The following KIFAP3 variants were observed in gnomAD, a reference collection of about 807,000 sequenced individuals.
KIFAP3 encodes the protein kinesin associated protein 3, also known as kinesin-associated protein 3.
Under a neutral mutation model 106.5 loss-of-function variants are expected in KIFAP3, and 68 were observed. The ratio of observed to expected loss-of-function variants is 0.64; its 90% CI spans 0.53 to 0.78. The LOEUF (loss-of-function observed/expected upper bound fraction) is 0.78, where lower values mean the gene tolerates loss of function less well. Ranked by LOEUF, KIFAP3 falls within the 30% of genes least tolerant of loss-of-function variation. KIFAP3 has a pLI of 0.00. For synonymous variants in KIFAP3, 320 were observed against 311.5 expected (o/e 1.03, Z -0.29); for missense variants, 780 against 941.8 (o/e 0.83, Z 2.25).
At chr1:170,002,267 G>C (rs916800234) in intron 10 of KIFAP3, among the ~76,000 whole-genome samples, 1 of 152,092 alleles carries the variant, frequency 6.6e-6, no homozygotes, top group African/African-American at 2.4e-5. Flanking sequence ...AGACAAAAAT[G>C]AATCAGGTGC....
intron 10 of KIFAP3, among the ~76,000 whole-genome samples, chr1:170,000,253 T>C (rs146828002): frequency 8.1e-4 from 123 of 152,260 alleles, no homozygotes; most frequent in Middle Eastern, 3.4e-3. Context: ...GCCACATTAT[T>C]AGCCAGATTC....
At chr1:170,078,192 C>A (rs531637905), upstream of KIFAP3, among the ~76,000 whole-genome samples, 2 of 152,108 alleles carry the variant, frequency 1.3e-5, 1 homozygote, top group South Asian at 4.2e-4. Flanking sequence ...TAGTCACATC[C>A]TTTCCAGCAC....
At chr1:169,930,131 A>C (rs572776963) in intron 19 of KIFAP3, among the ~76,000 whole-genome samples, 1 of 152,316 alleles carries the variant, frequency 6.6e-6, no homozygotes, top group South Asian at 2.1e-4. Context: ...TGGAGATGTT[A>C]TACTTGGTAC....
At chr1:170,022,228 C>A (rs114541056) in intron 9 of KIFAP3, among the ~76,000 whole-genome samples, 3,333 of 152,004 alleles carry the variant, frequency 0.022, 105 homozygotes, top group African/African-American at 0.064. Flanking sequence ...GGATTACAGG[C>A]ATTAGTCATC....
chr1:169,997,017 G>A (rs1459146806), intron 10 of KIFAP3, among the ~76,000 whole-genome samples: 2 of 152,118 alleles, frequency 1.3e-5, no homozygotes, highest in Non-Finnish European at 1.5e-5. Flanking sequence ...TAACTGCATC[G>A]ATCTGTGATT....
At chr1:170,076,038 T>C (rs1223237883), upstream of KIFAP3, among the ~76,000 whole-genome samples, 2 of 152,220 alleles carry the variant, frequency 1.3e-5, no homozygotes, top group Non-Finnish European at 2.9e-5. Flanking sequence ...TACGTAAAAT[T>C]GGAAGACCAA....
chr1:169,942,120 C>G (rs998940865), intron 19 of KIFAP3, among the ~76,000 whole-genome samples: 3 of 152,202 alleles, frequency 2.0e-5, no homozygotes, highest in Middle Eastern at 3.4e-3. Flanking sequence ...CCTTAAATTT[C>G]CTTAAGTACT....
At chr1:170,079,523 A>C (rs980275263), upstream of KIFAP3, among the ~76,000 whole-genome samples, 1 of 152,100 alleles carries the variant, frequency 6.6e-6, no homozygotes, top group Admixed American at 6.6e-5. Context: ...TGATTTTAAA[A>C]AACTATTAGC....
At chr1:170,012,795 GAAGGC>G in intron 10 of KIFAP3, among the ~76,000 whole-genome samples, 1 of 152,098 alleles carries the variant, frequency 6.6e-6, no homozygotes, top group Non-Finnish European at 1.5e-5. Flanking sequence ...AATCATGACC[GAAGGC>G]AAATGAGGAG....
chr1:170,041,619 G>C lies in KIFAP3; in HGVS notation c.320-2331C>G, dbSNP rs114685704. ...GGAGATGAGTCCAAGTGGCTGCCTG[G>C]CTTCTTTAAGCCAGGGGCTGTCTCT... is the stretch of plus-strand genomic sequence containing the variant. On this transcript the variant is annotated intron_variant, in intron 3 of 19. Coordinates refer to ENST00000361580, the MANE Select transcript of KIFAP3 (RefSeq NM_014970.4). 160 of 1,403,232 alleles carry C rather than the reference G, an allele frequency of 1.1e-4. 1 individual carries two copies. In the East Asian group the frequency reaches 3.9e-3, roughly 35 times the overall value. 86.9% of individuals were successfully genotyped at this position (1,403,232 alleles called of 1,614,324 possible). A position where few individuals can be genotyped will look rare whatever the true frequency, so the allele number is the denominator to read the frequency against.
intron 7 of KIFAP3, 33 bp from the exon 8 acceptor site, chr1:170,032,017 T>A: frequency 1.2e-6 from 1 of 858,536 alleles, no homozygotes; most frequent in Non-Finnish European, 1.7e-6. Flanking sequence ...TCCATACTCA[T>A]TGAAGCAAAA....
At chr1:169,964,070 G>A (rs1369608577) in intron 17 of KIFAP3, among the ~76,000 whole-genome samples, 1 of 151,988 alleles carries the variant, frequency 6.6e-6, no homozygotes, top group African/African-American at 2.4e-5. Flanking sequence ...AAATCCAAAT[G>A]TCATACCTCC....
chr1:169,924,392 A>G (rs1449404860), intron 19 of KIFAP3, among the ~76,000 whole-genome samples: 1 of 152,202 alleles, frequency 6.6e-6, no homozygotes, highest in African/African-American at 2.4e-5. Flanking sequence ...TCGTTTTGGA[A>G]AAAAGGAATA....
chr1:169,984,578 T>C lies in KIFAP3; in HGVS notation c.1393+4A>G. ...AAAAGTTACCTACACTCAAAGGCAC[T>C]GACCTTCACAGATAAGCTGTACATT... On this transcript the variant is annotated splice_donor_region_variant and intron_variant, in intron 12 of 19. Transcript: ENST00000361580. 4.6e-6 allele frequency: 7 copies of C among 1,527,420 alleles called. No homozygotes were observed. Among genetic ancestry groups the C allele is most frequent in the Non-Finnish European group, 6.3e-6 (7 of 1,106,644 alleles). The allele number at this position is 1,527,420 out of a possible 1,614,324, so 94.6% of individuals were successfully genotyped here.
chr1:170,080,333 C>G (rs1255204884), intron 1 of KIFAP3, among the ~76,000 whole-genome samples: 1 of 151,960 alleles, frequency 6.6e-6, no homozygotes, highest in Non-Finnish European at 1.5e-5. Flanking sequence ...ATTAGAACAT[C>G]AATTTTACTC....
chr1:169,946,576 T>A (rs922598670), intron 19 of KIFAP3, among the ~76,000 whole-genome samples: 4 of 152,102 alleles, frequency 2.6e-5, no homozygotes, highest in Non-Finnish European at 4.4e-5. Context: ...ATTAGCTACC[T>A]GGTTTTAGGC....
chr1:170,084,715 A>G (rs1251869832), intron 1 of KIFAP3, among the ~76,000 whole-genome samples: 1 of 152,156 alleles, frequency 6.6e-6, no homozygotes, highest in East Asian at 1.9e-4. Flanking sequence ...ATGTAGTTTG[A>G]GACAGAATTA....
At chr1:169,931,583 C>T (rs114808934) in intron 19 of KIFAP3, among the ~76,000 whole-genome samples, 7,359 of 152,258 alleles carry the variant, frequency 0.048, 532 homozygotes, top group African/African-American at 0.16. Flanking sequence ...TCAAGCAATG[C>T]TTCATTTCAT....
chr1:170,025,053 T>C (rs1348295487), intron 8 of KIFAP3, among the ~76,000 whole-genome samples: 2 of 152,118 alleles, frequency 1.3e-5, no homozygotes, highest in African/African-American at 4.8e-5. Context: ...ATCCAAAATA[T>C]ACAGTATAGC....
Sources: gnomAD v4.1 joint callset for allele counts (sites outside exome capture counted in the v4.1 genomes callset) on GRCh38, gnomAD v4.1.1 for gene constraint, MANE v1.5 for transcripts, NCBI Gene and HGNC (gene_info 2026-07-23, HGNC 2026-07-21) for gene names.